The following PPEF1 variants were observed in gnomAD, a reference collection of about 807,000 sequenced individuals.
PPEF1 encodes the protein protein phosphatase with EF-hand domain 1.
A neutral mutation model predicts 53.3 loss-of-function variants in PPEF1; 12 were observed. The observed-to-expected ratio is 0.23, with a 90% CI of 0.14 to 0.36. The LOEUF is 0.36. Among genes scored for constraint, PPEF1 ranks in the 10% least tolerant of loss-of-function variants. The probability of loss-of-function intolerance (pLI) is 1.00; values close to 1 mark genes in which losing one functional copy is unlikely to be tolerated. For missense variants in PPEF1, 334 were observed against 490.4 expected (o/e 0.68, Z 3.01); for synonymous variants, 165 against 176.7 (o/e 0.93, Z 0.52).
At chrX:18,680,578 G>C (rs997210067), upstream of PPEF1, among the ~76,000 whole-genome samples, 4 of 107,684 alleles carry the variant, frequency 3.7e-5, no homozygotes, top group Non-Finnish European at 7.7e-5. Context: ...ATAGGCACCT[G>C]CCACCACGCC....
At chrX:18,790,036 G>T (rs1373777719) in intron 10 of PPEF1, among the ~76,000 whole-genome samples, 1 of 112,055 alleles carries the variant, frequency 8.9e-6, no homozygotes, top group Non-Finnish European at 1.9e-5. Flanking sequence ...TTTCCCAAGT[G>T]GCTGCACCAT....
intron 12 of PPEF1, among the ~76,000 whole-genome samples, chrX:18,815,145 A>G (rs1175517896): frequency 2.7e-5 from 3 of 111,768 alleles, no homozygotes; most frequent in Non-Finnish European, 5.6e-5. Context: ...AATATGGTAT[A>G]TTACATTGGT....
chrX:18,777,077 G>A (rs2045981606), intron 6 of PPEF1, among the ~76,000 whole-genome samples: 1 of 112,302 alleles, frequency 8.9e-6, no homozygotes, highest in Admixed American at 9.4e-5. Context: ...GGTAAGTATG[G>A]AAGATATCAT....
intron 6 of PPEF1, among the ~76,000 whole-genome samples, chrX:18,701,058 AGTTTTGTTCATCT>A (rs1930082068): frequency 9.0e-6 from 1 of 111,277 alleles, no homozygotes; most frequent in Non-Finnish European, 1.9e-5. Flanking sequence ...TTTGAGTCTC[AGTTTTGTTCATCT>A]GTAACATGGT....
chrX:18,784,711 A>T (rs2046165740), intron 9 of PPEF1, among the ~76,000 whole-genome samples: 1 of 111,215 alleles, frequency 9.0e-6, no homozygotes, highest in South Asian at 3.8e-4. Context: ...CAAATAACTT[A>T]GGATACTTTT....
intron 6 of PPEF1, among the ~76,000 whole-genome samples, chrX:18,776,996 G>A (rs1281819445): frequency 8.9e-6 from 1 of 112,662 alleles, no homozygotes; most frequent in African/African-American, 3.2e-5. Context: ...CTCTTAATTT[G>A]TATGTTGCTT....
At chrX:18,721,694 C>T (rs1327624209) in intron 1 of PPEF1, among the ~76,000 whole-genome samples, 6 of 111,540 alleles carry the variant, frequency 5.4e-5, no homozygotes, top group Non-Finnish European at 1.1e-4. Flanking sequence ...AAAGTCAGAA[C>T]TTATTTTTAT....
chrX:18,792,623 A>G (rs2046343730), intron 10 of PPEF1, among the ~76,000 whole-genome samples: 1 of 110,841 alleles, frequency 9.0e-6, no homozygotes, highest in Admixed American at 9.6e-5. Flanking sequence ...ACCAACTTTT[A>G]GTTTTATTGA....
chrX:18,719,789 CA>C (rs1334252676), intron 1 of PPEF1, among the ~76,000 whole-genome samples: 1 of 111,481 alleles, frequency 9.0e-6, no homozygotes, highest in Non-Finnish European at 1.9e-5. Context: ...GAAATGAGTT[CA>C]AAAATCACTG....
intron 3 of PPEF1, among the ~76,000 whole-genome samples, chrX:18,737,075 C>T (rs190060221): frequency 9.1e-6 from 1 of 110,421 alleles, no homozygotes; most frequent in Non-Finnish European, 1.9e-5. Flanking sequence ...CTTTTCAAAA[C>T]AGCTTCTGGA....
intron 1 of PPEF1, chrX:18,676,258 G>C (rs948361811): frequency 1.8e-5 from 2 of 110,984 alleles, no homozygotes; most frequent in African/African-American, 6.6e-5. Context: ...ACAAGGGTTG[G>C]ACTAAACACG....
At chrX:18,791,798 TATG>T (rs2046329320) in intron 10 of PPEF1, among the ~76,000 whole-genome samples, 1 of 112,384 alleles carries the variant, frequency 8.9e-6, no homozygotes, top group Admixed American at 9.5e-5. Context: ...TTTCATCAAG[TATG>T]ATATTAGCTG....
intron 3 of PPEF1, among the ~76,000 whole-genome samples, chrX:18,738,418 A>G (rs953659109): frequency 3.6e-5 from 4 of 111,905 alleles, no homozygotes; most frequent in African/African-American, 1.3e-4. Context: ...TTCTGGGTTG[A>G]AAATTCTTTT....
chrX:18,752,363 T>TTGTG (rs753584857), intron 4 of PPEF1, among the ~76,000 whole-genome samples: 11 of 108,712 alleles, frequency 1.0e-4, no homozygotes, highest in East Asian at 5.6e-4. Flanking sequence ...CTCTAGTAGT[T>TTGTG]TGTGTGTGTG....
At chrX:18,803,331 C>T (rs1452247056) in intron 10 of PPEF1, among the ~76,000 whole-genome samples, 1 of 112,788 alleles carries the variant, frequency 8.9e-6, no homozygotes, top group Admixed American at 9.4e-5. Context: ...TGTTCCTTGC[C>T]TTCATTCCCG....
rs753519716 is a variant in PPEF1, at chrX:18,789,145, A to T, written c.937A>T (p.Thr313Ser). ...GATGAAATCTGTGCTGATACCACCAACGGAAACAAACAGAGACCATGACAC... is the reference window on the plus strand; with the variant it reads ...GATGAAATCTGTGCTGATACCACCATCGGAAACAAACAGAGACCATGACAC... ...NKMKSVLIPPTETNRDHDTDS... is the reference protein window; with the variant it reads ...NKMKSVLIPPSETNRDHDTDS... The change falls in exon 10 of 16, where the codon ACG (threonine) becomes TCG (serine). Residue 313 changes from threonine to serine, a missense_variant. Thr to Ser is a moderately conservative substitution (Grantham distance 58). Transcript: ENST00000470157. The T allele has an allele frequency of 8.3e-7, 1 of 1,211,847 alleles. No homozygotes were observed. Among genetic ancestry groups the T allele is most frequent in the Non-Finnish European group, 1.1e-6 (1 of 895,358 alleles).
chrX:18,815,962 G>A (rs1486104082), intron 12 of PPEF1, among the ~76,000 whole-genome samples: 1 of 106,887 alleles, frequency 9.4e-6, no homozygotes, highest in Non-Finnish European at 1.9e-5. Context: ...GTGCAATGGC[G>A]TGATCTCGGT....
chrX:18,782,412 G>A lies in PPEF1; in HGVS notation c.762+10G>A. 1 of 984,190 alleles carries A rather than the reference G, an allele frequency of 1.0e-6. No individual in the cohort carries two copies. Among genetic ancestry groups the A allele is most frequent in the Non-Finnish European group, 1.3e-6 (1 of 740,781 alleles). The allele number at this position is 984,190 out of a possible 1,213,427, so 81.1% of individuals were successfully genotyped here. ...TTTGCATAAATATAAGGTAAGACAT[G>A]CTTTTTTTTTTTTTTTTAGTATTCA... On this transcript the variant is annotated intron_variant, in intron 8 of 15. Transcript: ENST00000470157.
chrX:18,685,022 T>C (rs1728250615), intron 2 of PPEF1, among the ~76,000 whole-genome samples: 1 of 112,149 alleles, frequency 8.9e-6, no homozygotes, highest in African/African-American at 3.2e-5. Flanking sequence ...GAGTCCCATT[T>C]AAAAGGCAAC....
Sources: allele counts gnomAD v4.1 joint callset (sites outside exome capture counted in the v4.1 genomes callset), GRCh38; gene constraint gnomAD v4.1.1; transcripts MANE v1.5; gene names NCBI Gene and HGNC (gene_info 2026-07-23, HGNC 2026-07-21).